Variants in STAM observed in about 807,000 individuals in gnomAD.
STAM encodes signal transducing adapter molecule 1.
In STAM, 16 loss-of-function variants were observed where a neutral mutation model predicts 63.4. That is an observed-to-expected ratio of 0.25 (90% CI 0.17 to 0.38). The LOEUF (loss-of-function observed/expected upper bound fraction) is 0.38. Ranked by LOEUF, STAM falls within the 10% of genes least tolerant of loss-of-function variation. STAM has a pLI of 1.00. For missense variants in STAM, 636 were observed against 657.1 expected (o/e 0.97, Z 0.35); for synonymous variants, 238 against 223.9 (o/e 1.06, Z -0.56).
intron 12 of STAM, among the ~76,000 whole-genome samples, chr10:17,706,897 G>GA (rs376487907): frequency 5.7e-4 from 85 of 148,836 alleles, no homozygotes; most frequent in Admixed American, 4.4e-3. Flanking sequence ...TAAATGCAGT[G>GA]AAAAAAAAAT....
At chr10:17,662,791 A>T (rs1403575628) in intron 2 of STAM, among the ~76,000 whole-genome samples, 1 of 152,186 alleles carries the variant, frequency 6.6e-6, no homozygotes, top group Non-Finnish European at 1.5e-5. Flanking sequence ...AGCTTTATCA[A>T]GTGTTTATAA....
intron 6 of STAM, 197 bp from the exon 7 acceptor site, chr10:17,694,852 A>T: frequency 2.2e-6 from 1 of 455,692 alleles, no homozygotes; most frequent in Non-Finnish European, 3.8e-6. Flanking sequence ...CAATTTTGTT[A>T]ATTTATTTTT....
chr10:17,677,030 T>C (rs1348374517), intron 2 of STAM, among the ~76,000 whole-genome samples: 4 of 152,164 alleles, frequency 2.6e-5, no homozygotes, highest in African/African-American at 9.7e-5. Context: ...TCTGAAGGGA[T>C]TTTTAAGCTA....
In STAM at chr10:17,699,867, C is replaced by T. The variant is rs577335992; in HGVS notation, c.824-324C>T. ...AGAATTCACTTAGGCCATTGTAAAA[C>T]TTTGCTTTTGTCCTCCAGCTTACTA... On this transcript the variant is annotated intron_variant, in intron 8 of 13. Transcript: ENST00000377524. Among the ~76,000 whole-genome samples, 53 of 152,172 alleles carry T rather than the reference C, an allele frequency of 3.5e-4. No homozygotes were observed. In the South Asian group the frequency reaches 7.9e-3, roughly 23 times the overall value.
At chr10:17,695,621 T>C (rs1835725396) in intron 7 of STAM, 1 of 158,430 alleles carries the variant, frequency 6.3e-6, no homozygotes, top group Non-Finnish European at 1.4e-5. Context: ...CACAGAACAG[T>C]ATAGCCATAG....
chr10:17,684,686 G>A lies in STAM; in HGVS notation c.137G>A (p.Cys46Tyr), dbSNP rs371469583. 1 of 1,612,892 alleles carries A rather than the reference G, an allele frequency of 6.2e-7. No homozygotes were observed. Among genetic ancestry groups the A allele is most frequent in the Non-Finnish European group, 8.5e-7 (1 of 1,179,624 alleles). ...VGQSRTGPKD[C>Y]LRSIMRRVNH... Reference sequence around the variant, plus strand: ...TCTCATTTTTTTAGACCTAAGGATTGTCTTCGGTCTATTATGAGAAGAGTG... The same window carrying A: ...TCTCATTTTTTTAGACCTAAGGATTATCTTCGGTCTATTATGAGAAGAGTG... Residue 46 changes from cysteine to tyrosine, a missense_variant, in exon 3 of 14, where the codon TGT (cysteine) becomes TAT (tyrosine). Transcript: ENST00000377524.
intron 1 of STAM, among the ~76,000 whole-genome samples, chr10:17,646,729 T>A (rs1589013902): frequency 6.6e-6 from 1 of 152,204 alleles, no homozygotes; most frequent in East Asian, 1.9e-4. Flanking sequence ...CCCTCAGAGA[T>A]TCCCAGTACA....
chr10:17,644,280 A>G lies in STAM; in HGVS notation c.-60A>G. On this transcript the variant is annotated 5_prime_UTR_variant, in exon 1 of 14. Transcript: ENST00000377524. ...CTGAGGAGTCTTCCATCCTACGTCG[A>G]GCTCTGACTCCCGTGCTGTCGAGAG... 6.3e-7 allele frequency: 1 copy of G among 1,594,238 alleles called. No homozygotes were observed. Among genetic ancestry groups the G allele is most frequent in the South Asian group, 1.1e-5 (1 of 90,616 alleles).
In STAM at chr10:17,714,701, C is replaced by G. The variant is rs1836731342; in HGVS notation, c.1544C>G (p.Ser515Ter). 1 of 1,614,132 alleles carries G rather than the reference C, an allele frequency of 6.2e-7. No individual in the cohort carries two copies. Among genetic ancestry groups the G allele is most frequent in the Non-Finnish European group, 8.5e-7 (1 of 1,180,036 alleles). ...MPQVPNYNLT[S>*]STLPQPGGSQ... Reference sequence around the variant, plus strand: ...CAGGTGCCAAACTATAACTTAACATCATCAACTCTGCCTCAGCCCGGAGGC... The same window carrying G: ...CAGGTGCCAAACTATAACTTAACATGATCAACTCTGCCTCAGCCCGGAGGC... The change falls in exon 14 of 14, where the codon TCA (serine) becomes TGA (stop). Residue 515 changes from serine to a stop codon, truncating the protein, a stop_gained. Transcript: ENST00000377524. LOFTEE classifies it high-confidence loss of function.
chr10:17,713,832 C>T (rs1836673697), intron 13 of STAM, among the ~76,000 whole-genome samples: 2 of 151,996 alleles, frequency 1.3e-5, no homozygotes, highest in Admixed American at 1.3e-4. Flanking sequence ...CAGAACGAGC[C>T]AGTGTCTTTC....
chr10:17,660,337 A>C (rs542288055), intron 1 of STAM, 127 bp from the exon 2 acceptor site: 26 of 548,410 alleles, frequency 4.7e-5, no homozygotes, highest in African/African-American at 3.5e-4. Flanking sequence ...AATAACTAGA[A>C]TGCTGGCAAC....
intron 2 of STAM, among the ~76,000 whole-genome samples, chr10:17,680,086 CTCTT>C (rs1835019206): frequency 6.6e-6 from 1 of 152,046 alleles, no homozygotes; most frequent in South Asian, 2.1e-4. Flanking sequence ...TTTATTGCCT[CTCTT>C]TATTGTTTCC....
rs147063533 is a variant in STAM, at chr10:17,678,534, G to A, written c.126-6141G>A. 1.0e-2 allele frequency among the ~76,000 whole-genome samples: 1,518 copies of A among 152,278 alleles called. 32 individuals are homozygous for A. Among genetic ancestry groups the A allele is most frequent in the South Asian group, 0.063 (305 of 4,822 alleles). ...CTCCCAAAGTGCTGGGATTATAGGC[G>A]TGAGTCACCACGCCCAACCTCATGT... is the stretch of plus-strand genomic sequence containing the variant. On this transcript the variant is annotated intron_variant, in intron 2 of 13. Transcript: ENST00000377524.
intron 2 of STAM, among the ~76,000 whole-genome samples, chr10:17,664,256 A>T (rs1344254821): frequency 6.6e-6 from 1 of 152,014 alleles, no homozygotes; most frequent in Non-Finnish European, 1.5e-5. Flanking sequence ...CATTCCTAAT[A>T]TGTTATTTGT....
intron 2 of STAM, among the ~76,000 whole-genome samples, chr10:17,678,591 T>C (rs1364295982): frequency 6.6e-6 from 1 of 152,224 alleles, no homozygotes; most frequent in African/African-American, 2.4e-5. Flanking sequence ...GTTTATGTTG[T>C]AGCTTGTATT....
rs1223509007 is a variant in STAM, at chr10:17,659,463, CTTTTT to C, written c.41-983_41-979del. ...GGTATTCCATCTTTATTCTCTTCCT[CTTTTT>C]TTTTTTTTTTTTTTTTTAAAGAGAT... On this transcript the variant is annotated intron_variant, in intron 1 of 13. Coordinates refer to ENST00000377524, the MANE Select transcript of STAM (RefSeq NM_003473.4). 2.6e-3 allele frequency among the ~76,000 whole-genome samples: 276 copies of C among 107,520 alleles called. 1 individual carries two copies. The highest frequency in any genetic ancestry group is 7.3e-3 in the African/African-American group (201 of 27,434). The allele number at this position is 107,520 out of a possible 152,430, so 70.5% of individuals were successfully genotyped here.
chr10:17,659,376 A>G (rs1834070410), intron 1 of STAM, among the ~76,000 whole-genome samples: 1 of 150,640 alleles, frequency 6.6e-6, no homozygotes, highest in African/African-American at 2.4e-5. Context: ...AGAATAAACT[A>G]TTTTTTGTTA....
intron 1 of STAM, among the ~76,000 whole-genome samples, chr10:17,657,412 T>G (rs1463923789): frequency 6.6e-6 from 1 of 152,220 alleles, no homozygotes; most frequent in Non-Finnish European, 1.5e-5. Context: ...TCATGAGAGA[T>G]ATTGGCCTAT....
intron 2 of STAM, among the ~76,000 whole-genome samples, chr10:17,667,704 C>T (rs1431059723): frequency 6.6e-6 from 1 of 152,114 alleles, no homozygotes; most frequent in African/African-American, 2.4e-5. Flanking sequence ...AACCAGAGTG[C>T]TATAATGGAA....
Sources: gnomAD v4.1 joint callset for allele counts (sites outside exome capture counted in the v4.1 genomes callset) on GRCh38, gnomAD v4.1.1 for gene constraint, MANE v1.5 for transcripts, NCBI Gene and HGNC (gene_info 2026-07-23, HGNC 2026-07-21) for gene names.